SCN10A: variants seen among roughly 807,000 people sequenced by gnomAD.
SCN10A encodes sodium channel protein type 10 subunit alpha.
In SCN10A, 162 loss-of-function variants were observed where a neutral mutation model predicts 170.7. The ratio of observed to expected loss-of-function variants is 0.95; its 90% CI spans 0.84 to 1.08. SCN10A has a LOEUF of 1.08. SCN10A is among the 50% of genes least tolerant of loss of function. The pLI, the probability that SCN10A is intolerant of heterozygous loss-of-function variation, is 0.00. For missense variants in SCN10A, 2,527 were observed against 2,436.9 expected, an observed-to-expected ratio of 1.04 and a Z score of -0.78; for synonymous variants, 985 against 904.6, an observed-to-expected ratio of 1.09 and a Z score of -1.59.
Position 38,698,054 on chromosome 3 carries a change from C to T in SCN10A, c.5166G>A (p.Leu1722=), listed in dbSNP as rs1559406425. 2 of 1,614,028 alleles carry T rather than the reference C, an allele frequency of 1.2e-6. No homozygotes were observed. The highest frequency in any genetic ancestry group is 2.7e-5 in the African/African-American group (2 of 74,888). The change falls in exon 28 of 28, where the codon CTG becomes CTA. Residue 1722 remains leucine (L), a synonymous_variant. Coordinates refer to ENST00000449082, the MANE Select transcript of SCN10A (RefSeq NM_006514.4). ...CCTCCGTGGCCACATTGAAGTTCTC[C>T]AGAATCACTGCAATGTACATGTTGA... ...IMVNMYIAVI[L]ENFNVATEES...
intron 11 of SCN10A, among the ~76,000 whole-genome samples, chr3:38,753,242 A>G (rs2063768428): frequency 6.6e-6 from 1 of 152,246 alleles, no homozygotes; most frequent in African/African-American, 2.4e-5. Context: ...GAGCTAATTC[A>G]TAAACCCAGA....
At chr3:38,739,137 G>A (rs528371544) in intron 15 of SCN10A, among the ~76,000 whole-genome samples, 1 of 152,320 alleles carries the variant, frequency 6.6e-6, no homozygotes, top group East Asian at 1.9e-4. Flanking sequence ...TCTCAGGGTT[G>A]TTGTGAGCAT....
intron 3 of SCN10A, among the ~76,000 whole-genome samples, chr3:38,789,340 C>T (rs1198467507): frequency 1.3e-5 from 2 of 152,102 alleles, no homozygotes; most frequent in Non-Finnish European, 2.9e-5. Context: ...GTCAACCATG[C>T]TGCAGAGATG....
At chr3:38,770,160 T>C (rs2063981935) in intron 5 of SCN10A, among the ~76,000 whole-genome samples, 1 of 152,186 alleles carries the variant, frequency 6.6e-6, no homozygotes, top group African/African-American at 2.4e-5. Flanking sequence ...CTGTCATGAG[T>C]TGCTTTAATG....
intron 4 of SCN10A, among the ~76,000 whole-genome samples, chr3:38,773,265 G>C (rs2064031133): frequency 2.0e-5 from 3 of 152,136 alleles, no homozygotes; most frequent in Admixed American, 1.3e-4. Flanking sequence ...CCAGGAGTTT[G>C]AGGCCAACAG....
chr3:38,762,186 A>G (rs1483771185), intron 6 of SCN10A, among the ~76,000 whole-genome samples: 1 of 152,192 alleles, frequency 6.6e-6, no homozygotes, highest in Non-Finnish European at 1.5e-5. Flanking sequence ...TTGGTTAGTC[A>G]TTTTGGTCAG....
chr3:38,733,728 A>G (rs2063533019), intron 15 of SCN10A, among the ~76,000 whole-genome samples: 1 of 151,734 alleles, frequency 6.6e-6, no homozygotes, highest in African/African-American at 2.4e-5. Flanking sequence ...TTATTTATTT[A>G]TTTATTTTTG....
chr3:38,729,716 T>G (rs1220695059), intron 15 of SCN10A, among the ~76,000 whole-genome samples: 2 of 152,146 alleles, frequency 1.3e-5, no homozygotes, highest in Non-Finnish European at 2.9e-5. Flanking sequence ...CTCTAATTTG[T>G]CAGGAAAAAA....
intron 27 of SCN10A, among the ~76,000 whole-genome samples, chr3:38,701,029 T>A (rs2063150681): frequency 6.6e-6 from 1 of 152,212 alleles, no homozygotes; most frequent in African/African-American, 2.4e-5. Context: ...TGACCCTGCA[T>A]AATATTCTTG....
chr3:38,767,533 G>A (rs1372780225), intron 5 of SCN10A, among the ~76,000 whole-genome samples: 1 of 151,960 alleles, frequency 6.6e-6, no homozygotes, highest in Non-Finnish European at 1.5e-5. Flanking sequence ...TAGTTTTCAT[G>A]TATTTGTATA....
Position 38,752,482 on chromosome 3 carries a change from G to T in SCN10A, c.1492C>A (p.Arg498=), listed in dbSNP as rs377467259. 6.2e-7 allele frequency: 1 copy of T among 1,602,318 alleles called. No individual in the cohort carries two copies. Among genetic ancestry groups the T allele is most frequent in the Middle Eastern group, 1.7e-4 (1 of 6,002 alleles). ...SFLGLASGKR[R]ASHGSVFHFR... ...TGGAACACACTGCCATGACTAGCCC[G>T]GCGTTTTCCAGAGGCGAGGCCTAGA... is the stretch of plus-strand genomic sequence containing the variant. The change falls in exon 12 of 28, where the codon CGG becomes AGG. Residue 498 remains arginine (R), a synonymous_variant. Coordinates refer to ENST00000449082, the MANE Select transcript of SCN10A (RefSeq NM_006514.4).
intron 1 of SCN10A, among the ~76,000 whole-genome samples, chr3:38,812,985 A>T (rs751845412): frequency 6.6e-6 from 1 of 152,052 alleles, no homozygotes; most frequent in African/African-American, 2.4e-5. Context: ...GTGAGCTGAG[A>T]TTGTGCCACT....
intron 6 of SCN10A, among the ~76,000 whole-genome samples, 164 bp downstream of exon 6, chr3:38,763,341 G>A (rs2063896762): frequency 6.6e-6 from 1 of 152,178 alleles, no homozygotes; most frequent in Non-Finnish European, 1.5e-5. Context: ...TCTTACTAGT[G>A]AAGAGGCCTT....
intron 10 of SCN10A, among the ~76,000 whole-genome samples, chr3:38,756,202 C>T (rs868147245): frequency 3.9e-5 from 6 of 152,160 alleles, no homozygotes; most frequent in African/African-American, 9.7e-5. Context: ...ACAGCTATCC[C>T]GAGCTGCTTG....
In SCN10A at chr3:38,750,148, C is replaced by T. The variant is rs757014692; in HGVS notation, c.1792G>A (p.Ala598Thr). The change falls in exon 13 of 28, where the codon GCA becomes ACA. Residue 598 changes from alanine to threonine, a missense_variant. Coordinates refer to ENST00000449082, the MANE Select transcript of SCN10A (RefSeq NM_006514.4). ...DAGQKKTFLSAEYLDEPFRAQ... is the reference protein window; with the variant it reads ...DAGQKKTFLSTEYLDEPFRAQ... ...CGGAAAGGTTCATCTAAGTATTCTG[C>T]TGACAAGAAAGTCTTCTTTTGTCCT... The T allele has an allele frequency of 3.7e-6, 6 of 1,613,208 alleles. No homozygotes were observed. The highest frequency in any genetic ancestry group is 5.1e-6 in the Non-Finnish European group (6 of 1,179,394).
Position 38,701,974 on chromosome 3 carries a change from G to T in SCN10A, c.4522C>A (p.Leu1508Met). ...DDQSEEKTKI[L>M]GKINQFFVAV... ...ACAAAGAACTGGTTGATTTTGCCCA[G>T]AATTTTCGTCTTTTCTTCACTTTGG... The change falls in exon 27 of 28, where the codon CTG (leucine) becomes ATG (methionine). Residue 1508 changes from leucine to methionine, a missense_variant. Leu to Met is a conservative substitution (Grantham distance 15). Transcript: ENST00000449082. 1 of 1,614,152 alleles carries T rather than the reference G, an allele frequency of 6.2e-7. No individual in the cohort carries two copies. Among genetic ancestry groups the T allele is most frequent in the Non-Finnish European group, 8.5e-7 (1 of 1,180,014 alleles).
At chr3:38,749,600 T>C (rs930612820) in intron 13 of SCN10A, among the ~76,000 whole-genome samples, 1 of 152,226 alleles carries the variant, frequency 6.6e-6, no homozygotes, top group African/African-American at 2.4e-5. Context: ...ACTTAAATTG[T>C]CTACCAATAT....
At chr3:38,743,281 C>T (rs529508826) in intron 13 of SCN10A, among the ~76,000 whole-genome samples, 5 of 152,312 alleles carry the variant, frequency 3.3e-5, no homozygotes, top group South Asian at 2.1e-4. Context: ...CCACACAGTG[C>T]GTGGGTGGCT....
At chr3:38,753,724 G>A (rs375130652) in intron 11 of SCN10A, among the ~76,000 whole-genome samples, 1 of 152,156 alleles carries the variant, frequency 6.6e-6, no homozygotes, top group Admixed American at 6.5e-5. Flanking sequence ...TGAGCACCAA[G>A]CAAACCAATG....
Sources: gnomAD v4.1 joint callset for allele counts (sites outside exome capture counted in the v4.1 genomes callset) on GRCh38, gnomAD v4.1.1 for gene constraint, MANE v1.5 for transcripts, NCBI Gene and HGNC (gene_info 2026-07-23, HGNC 2026-07-21) for gene names.